CLCN4: variants seen among roughly 807,000 people sequenced by gnomAD.
CLCN4 encodes H(+)/Cl(-) exchange transporter 4.
Under a neutral mutation model 41.7 loss-of-function variants are expected in CLCN4, and 1 was observed. That is an observed-to-expected ratio of 0.02 (90% CI 0.01 to 0.11). The LOEUF is 0.11. CLCN4 is among the 10% of genes least tolerant of loss of function. The pLI, the probability that CLCN4 is intolerant of heterozygous loss-of-function variation, is 1.00. For synonymous variants in CLCN4, 277 were observed against 285.8 expected, an observed-to-expected ratio of 0.97 and a Z score of 0.31; for missense variants, 287 against 661.0, an observed-to-expected ratio of 0.43 and a Z score of 6.20.
chrX:10,175,115 C>T (rs971648153), intron 2 of CLCN4, among the ~76,000 whole-genome samples: 1 of 111,414 alleles, frequency 9.0e-6, no homozygotes, highest in Non-Finnish European at 1.9e-5. Context: ...GAGGAATGGC[C>T]GTGGGTCAGA....
chrX:10,229,974 C>T (rs1415256477), intron 12 of CLCN4, among the ~76,000 whole-genome samples: 1 of 112,484 alleles, frequency 8.9e-6, no homozygotes, highest in Admixed American at 9.4e-5. Flanking sequence ...GGGGCATCCA[C>T]CCCCTCAAGC....
intron 12 of CLCN4, among the ~76,000 whole-genome samples, chrX:10,228,723 A>G (rs777925559): frequency 2.4e-4 from 27 of 111,797 alleles, no homozygotes; most frequent in African/African-American, 8.5e-4. Flanking sequence ...CAGATAATGA[A>G]CTGATTTGTT....
intron 2 of CLCN4, among the ~76,000 whole-genome samples, chrX:10,172,662 TGA>T (rs774545518): frequency 1.2e-4 from 11 of 90,177 alleles, no homozygotes; most frequent in African/African-American, 1.3e-4. Context: ...TGTGTGTATG[TGA>T]GAGAGAGAGA....
At chrX:10,177,047 A>C (rs1162865860) in intron 2 of CLCN4, among the ~76,000 whole-genome samples, 2 of 112,543 alleles carry the variant, frequency 1.8e-5, no homozygotes, top group Non-Finnish European at 3.8e-5. Flanking sequence ...CTGTGGGCCA[A>C]CTCCAGCTCA....
intron 2 of CLCN4, among the ~76,000 whole-genome samples, chrX:10,172,731 A>C (rs1022621102): frequency 3.6e-5 from 4 of 110,138 alleles, no homozygotes; most frequent in African/African-American, 1.3e-4. Flanking sequence ...ATCCTGGTAC[A>C]CTAGCTGTAT....
intron 2 of CLCN4, among the ~76,000 whole-genome samples, chrX:10,181,082 G>C (rs1032649362): frequency 9.0e-6 from 1 of 111,190 alleles, no homozygotes; most frequent in Admixed American, 9.5e-5. Context: ...GATGGGCTGC[G>C]TGCAGTGGCT....
intron 2 of CLCN4, among the ~76,000 whole-genome samples, chrX:10,164,134 C>T (rs896348760): frequency 8.9e-6 from 1 of 112,019 alleles, no homozygotes; most frequent in Non-Finnish European, 1.9e-5. Context: ...GGACTCCAAA[C>T]GCTGGTCAGG....
At chrX:10,231,545 T>C (rs1925126649) in intron 12 of CLCN4, among the ~76,000 whole-genome samples, 1 of 111,844 alleles carries the variant, frequency 8.9e-6, no homozygotes, top group Non-Finnish European at 1.9e-5. Context: ...AATTTTATTT[T>C]AGACACAGGA....
intron 2 of CLCN4, among the ~76,000 whole-genome samples, chrX:10,162,885 G>GA (rs1315388911): frequency 1.8e-5 from 2 of 113,283 alleles, no homozygotes; most frequent in Non-Finnish European, 3.7e-5. Context: ...GTTAAATGAA[G>GA]AGAGAGAAAG....
intron 4 of CLCN4, among the ~76,000 whole-genome samples, chrX:10,191,692 A>ATTTTTTTTTTTTTTTTTTTTTTTTTTTTT (rs760315418): frequency 4.0e-5 from 2 of 49,770 alleles, no homozygotes; most frequent in African/African-American, 1.8e-4. Context: ...TATCTGGTTA[A>ATTTTTTTTTTTTTTTTTTTTTTTTTTTTT]TTTTTTTTTT....
chrX:10,170,947 C>T (rs1176690286), intron 2 of CLCN4, among the ~76,000 whole-genome samples: 3 of 112,381 alleles, frequency 2.7e-5, no homozygotes, highest in African/African-American at 9.7e-5. Context: ...TGCAGTGGCG[C>T]GATCTCCGCT....
intron 6 of CLCN4, among the ~76,000 whole-genome samples, chrX:10,204,123 T>A (rs1924310606): frequency 2.7e-5 from 3 of 112,093 alleles, no homozygotes; most frequent in South Asian, 3.7e-4. Context: ...TCTAAGAGAA[T>A]ACCATTTTGG....
chrX:10,192,012 G>T (rs1406036430), intron 4 of CLCN4, among the ~76,000 whole-genome samples: 1 of 110,608 alleles, frequency 9.0e-6, no homozygotes, highest in East Asian at 2.8e-4. Context: ...ATGAATGAAT[G>T]GACCTGAGTT....
chrX:10,202,812 T>C (rs775823374), intron 6 of CLCN4, among the ~76,000 whole-genome samples: 137 of 111,211 alleles, frequency 1.2e-3, no homozygotes, highest in African/African-American at 4.4e-3. Context: ...GAACTTACTC[T>C]GTGTTGATGT....
intron 2 of CLCN4, among the ~76,000 whole-genome samples, chrX:10,174,775 T>C (rs1923475222): frequency 8.9e-6 from 1 of 112,073 alleles, no homozygotes; most frequent in Non-Finnish European, 1.9e-5. Flanking sequence ...TGTGTCATCA[T>C]GCCTCTGCTC....
At chrX:10,187,941 C>T (rs998775862) in intron 4 of CLCN4, among the ~76,000 whole-genome samples, 16 of 111,711 alleles carry the variant, frequency 1.4e-4, no homozygotes, top group Non-Finnish European at 3.8e-5. Flanking sequence ...TTTTTGGAAA[C>T]GGTCTTGTTC....
intron 5 of CLCN4, 45 bp downstream of exon 5, chrX:10,195,143 A>C (rs771615922): frequency 2.7e-6 from 3 of 1,121,353 alleles, no homozygotes; most frequent in African/African-American, 3.6e-5. Context: ...CTGCCGTTCC[A>C]TGCGTGCTTG....
At chrX:10,169,765 CT>C (rs1487085707) in intron 2 of CLCN4, among the ~76,000 whole-genome samples, 2 of 85,204 alleles carry the variant, frequency 2.3e-5, no homozygotes, top group East Asian at 3.1e-4. Flanking sequence ...TTTCTTGATT[CT>C]TTTTTTTTCT....
intron 2 of CLCN4, among the ~76,000 whole-genome samples, chrX:10,164,265 G>C (rs910765612): frequency 3.6e-5 from 4 of 112,133 alleles, no homozygotes; most frequent in Non-Finnish European, 7.5e-5. Flanking sequence ...CAAAGGCCCT[G>C]AGGCAGGGCA....
Sources: gnomAD v4.1 joint callset for allele counts (sites outside exome capture counted in the v4.1 genomes callset) on GRCh38, gnomAD v4.1.1 for gene constraint, MANE v1.5 for transcripts, NCBI Gene and HGNC (gene_info 2026-07-23, HGNC 2026-07-21) for gene names.